NARS2: variants seen among roughly 807,000 people sequenced by gnomAD.
NARS2 encodes asparaginyl-tRNA synthetase.
NARS2 carries 60 observed loss-of-function variants against 62.9 expected under a neutral mutation model. The ratio of observed to expected loss-of-function variants is 0.95; its 90% CI spans 0.77 to 1.18. The LOEUF (loss-of-function observed/expected upper bound fraction) is 1.18. Ranked by LOEUF, NARS2 falls within the 50% of genes most tolerant of loss-of-function variation. The probability of loss-of-function intolerance (pLI) is 0.00; values close to 1 mark genes in which losing one functional copy is unlikely to be tolerated. For missense variants in NARS2, 619 were observed against 576.4 expected, an observed-to-expected ratio of 1.07 and a Z score of -0.76; for synonymous variants, 196 against 200.0, an observed-to-expected ratio of 0.98 and a Z score of 0.17.
chr11:78,524,944 C>G (rs1214653079), intron 6 of NARS2, among the ~76,000 whole-genome samples: 1 of 152,068 alleles, frequency 6.6e-6, no homozygotes, highest in Non-Finnish European at 1.5e-5. Context: ...CTCCAGGCAA[C>G]AGAATATTAT....
intron 7 of NARS2, among the ~76,000 whole-genome samples, chr11:78,490,567 A>T (rs1859775742): frequency 6.6e-6 from 1 of 152,180 alleles, no homozygotes; most frequent in African/African-American, 2.4e-5. Context: ...CTGTAATCCC[A>T]GCACTTTGGG....
rs1555041423 is a variant in NARS2 at position 78,554,508 on chromosome 11, C to CATGTGTGTGTGTGTGTGTGTGTGTGT, written c.594+5030_594+5031insACACACACACACACACACACACACAT. Among the ~76,000 whole-genome samples, 287 of 147,008 alleles carry CATGTGTGTGTGTGTGTGTGTGTGTGT rather than the reference C, an allele frequency of 2.0e-3. 4 individuals are homozygous for CATGTGTGTGTGTGTGTGTGTGTGTGT. The highest frequency in any genetic ancestry group is 7.0e-3 in the African/African-American group (277 of 39,390). ...TTAGCTGTATTCCTAGGCGTGTGTGCGTGTGTGTGTGTGTGTGTGTGTCAA... is the reference window on the plus strand; with the variant it reads ...TTAGCTGTATTCCTAGGCGTGTGTGCATGTGTGTGTGTGTGTGTGTGTGTGTGTGTGTGTGTGTGTGTGTGTGTCAA... On this transcript the variant is annotated intron_variant, in intron 5 of 13. Coordinates refer to ENST00000281038, the MANE Select transcript of NARS2 (RefSeq NM_024678.6).
In NARS2 at chr11:78,478,484, A is replaced by G. The variant is rs767649747; in HGVS notation, c.922-9T>C. ...ATATGTTCTAATCTGTCCTTAATAA[A>G]AAGACAAAAAAGAAAATTTTAAAAA... On this transcript the variant is annotated splice_polypyrimidine_tract_variant and intron_variant, in intron 8 of 13. Coordinates refer to ENST00000281038, the MANE Select transcript of NARS2 (RefSeq NM_024678.6). 23 of 1,179,286 alleles carry G rather than the reference A, an allele frequency of 2.0e-5. No individual in the cohort carries two copies. Among genetic ancestry groups the G allele is most frequent in the Non-Finnish European group, 7.0e-6 (6 of 856,454 alleles). 73.1% of individuals were successfully genotyped at this position (1,179,286 alleles called of 1,614,324 possible).
intron 1 of NARS2, chr11:78,573,294 T>C (rs995219087): frequency 6.6e-6 from 1 of 152,246 alleles, no homozygotes; most frequent in African/African-American, 2.4e-5. Flanking sequence ...CCCAGCATTT[T>C]GGGATGCCGA....
At chr11:78,455,732 T>C (rs556684488) in intron 11 of NARS2, among the ~76,000 whole-genome samples, 6 of 152,224 alleles carry the variant, frequency 3.9e-5, no homozygotes, top group East Asian at 1.9e-4. Context: ...AGGATTCTAA[T>C]GAAGCTGCCA....
chr11:78,480,871 T>C (rs1223898338), intron 7 of NARS2, among the ~76,000 whole-genome samples: 2 of 151,652 alleles, frequency 1.3e-5, no homozygotes, highest in South Asian at 2.1e-4. Context: ...CAGAATGGAG[T>C]GCAGTGGTGC....
intron 5 of NARS2, among the ~76,000 whole-genome samples, chr11:78,530,843 C>T (rs77094667): frequency 6.6e-6 from 1 of 152,176 alleles, no homozygotes; most frequent in African/African-American, 2.4e-5. Flanking sequence ...TTCTTTAATT[C>T]AACTTATTTA....
intron 11 of NARS2, among the ~76,000 whole-genome samples, chr11:78,460,134 G>A (rs1265625618): frequency 6.6e-6 from 1 of 152,210 alleles, no homozygotes; most frequent in African/African-American, 2.4e-5. Context: ...GAGTCCCACA[G>A]TATAACAGAC....
At chr11:78,515,622 A>C (rs1860878051) in intron 6 of NARS2, among the ~76,000 whole-genome samples, 1 of 151,856 alleles carries the variant, frequency 6.6e-6, no homozygotes, top group Admixed American at 6.6e-5. Context: ...GGCTCAAGCA[A>C]TCCTCCTGCC....
At chr11:78,564,936 G>A (rs961614242) in intron 4 of NARS2, among the ~76,000 whole-genome samples, 7 of 152,196 alleles carry the variant, frequency 4.6e-5, no homozygotes, top group Admixed American at 3.3e-4. Flanking sequence ...TGAGACTGGG[G>A]CTGTGTGAAT....
At chr11:78,483,491 C>T (rs1188203629) in intron 7 of NARS2, among the ~76,000 whole-genome samples, 1 of 152,196 alleles carries the variant, frequency 6.6e-6, no homozygotes, top group Non-Finnish European at 1.5e-5. Context: ...TAGAAAACCA[C>T]ATCGTCTCAG....
At chr11:78,556,002 G>C (rs557080388) in intron 5 of NARS2, among the ~76,000 whole-genome samples, 46 of 152,266 alleles carry the variant, frequency 3.0e-4, no homozygotes, top group African/African-American at 9.9e-4. Context: ...GAATGCTTTT[G>C]TGTTGACTTC....
intron 6 of NARS2, among the ~76,000 whole-genome samples, chr11:78,501,258 A>T (rs958772648): frequency 6.6e-6 from 1 of 152,264 alleles, no homozygotes; most frequent in Non-Finnish European, 1.5e-5. Context: ...GCTTAACAAA[A>T]GGTGGCTAGA....
At chr11:78,542,642 C>T (rs1265239304) in intron 5 of NARS2, among the ~76,000 whole-genome samples, 1 of 152,168 alleles carries the variant, frequency 6.6e-6, no homozygotes, top group Non-Finnish European at 1.5e-5. Context: ...TCAATAAATA[C>T]TTATAAATCC....
intron 6 of NARS2, among the ~76,000 whole-genome samples, chr11:78,502,068 C>T (rs1860300225): frequency 6.6e-6 from 1 of 152,122 alleles, no homozygotes; most frequent in Admixed American, 6.6e-5. Flanking sequence ...AAGCTAGACA[C>T]CAAAGGCCAC....
At position 78,478,651 on chromosome 11, in the gene NARS2, CATT is replaced by C; in HGVS notation, c.852_854del (p.Met286del). 1 of 1,611,790 alleles carries C rather than the reference CATT, an allele frequency of 6.2e-7. No individual in the cohort carries two copies. The highest frequency in any genetic ancestry group is 1.1e-5 in the South Asian group (1 of 90,902). The stretch of plus-strand genomic sequence containing the variant: ...CTTCAGGACATTTTGAGAGAACCAT[CATT>C]GTTGTAGCCTTGAACAGTTCCTCTA... On this transcript the variant is annotated inframe_deletion, in exon 8 of 14. Coordinates refer to ENST00000281038, the MANE Select transcript of NARS2 (RefSeq NM_024678.6).
chr11:78,564,952 T>A (rs1337672999), intron 4 of NARS2, among the ~76,000 whole-genome samples: 2 of 152,248 alleles, frequency 1.3e-5, no homozygotes, highest in African/African-American at 4.8e-5. Context: ...TGAATTTGGA[T>A]ACAGCCCAAG....
chr11:78,539,547 C>A (rs1855528191), intron 5 of NARS2, among the ~76,000 whole-genome samples: 1 of 152,156 alleles, frequency 6.6e-6, no homozygotes, highest in Non-Finnish European at 1.5e-5. Flanking sequence ...TAGGCAGATG[C>A]TTCTACAAAT....
At chr11:78,441,745 AC>A (rs1857582948) in intron 12 of NARS2, among the ~76,000 whole-genome samples, 1 of 151,958 alleles carries the variant, frequency 6.6e-6, no homozygotes. Flanking sequence ...CACTATTATT[AC>A]TAGTTAAGGT....
Sources: allele counts gnomAD v4.1 joint callset (sites outside exome capture counted in the v4.1 genomes callset), GRCh38; gene constraint gnomAD v4.1.1; transcripts MANE v1.5; gene names NCBI Gene and HGNC (gene_info 2026-07-23, HGNC 2026-07-21).